RBFOX1: variants seen among roughly 807,000 people sequenced by gnomAD.
RBFOX1 encodes the protein RNA binding fox-1 homolog 1, also known as RNA binding protein fox-1 homolog 1.
Under a neutral mutation model 57.7 loss-of-function variants are expected in RBFOX1, and 8 were observed. The observed-to-expected ratio is 0.14, with a 90% confidence interval of 0.08 to 0.25. The LOEUF is 0.25. Ranked by LOEUF, RBFOX1 falls within the 10% of genes least tolerant of loss-of-function variation. The pLI is 1.00. For missense variants in RBFOX1, 611 were observed against 548.5 expected, an observed-to-expected ratio of 1.11 and a Z score of -1.14; for synonymous variants, 326 against 222.4, an observed-to-expected ratio of 1.47 and a Z score of -4.15.
intron 1 of RBFOX1, among the ~76,000 whole-genome samples, chr16:6,163,774 A>C (rs916433790): frequency 1.3e-5 from 2 of 152,238 alleles, no homozygotes; most frequent in African/African-American, 2.4e-5. Flanking sequence ...CAGTATTTAT[A>C]AGGTGATGTG....
chr16:6,841,153 A>AATATCCATTTGC (rs1224652433), intron 3 of RBFOX1, among the ~76,000 whole-genome samples: 1 of 151,900 alleles, frequency 6.6e-6, no homozygotes, highest in Non-Finnish European at 1.5e-5. Context: ...ATATTAGCCT[A>AATATCCATTTGC]TGGCATTTTG....
At chr16:7,398,964 G>A (rs577080972) in intron 4 of RBFOX1, among the ~76,000 whole-genome samples, 1 of 152,170 alleles carries the variant, frequency 6.6e-6, no homozygotes, top group Non-Finnish European at 1.5e-5. Flanking sequence ...CAATTGGGAG[G>A]CAAAAAGTTT....
At chr16:6,153,483 C>G (rs2096814981) in intron 1 of RBFOX1, among the ~76,000 whole-genome samples, 1 of 151,886 alleles carries the variant, frequency 6.6e-6, no homozygotes, top group Non-Finnish European at 1.5e-5. Context: ...AGGCTATTTT[C>G]AAGTTAACAC....
rs1029269232 is a variant in RBFOX1, at chr16:6,889,040, C to G, written c.-15-163017C>G. ...AAGTCTTCAGGGAATTGCATGTGTT[C>G]TCAAATTTGATTGTATTTTTTCCCT... On this transcript the variant is annotated intron_variant, in intron 3 of 15. Coordinates refer to ENST00000550418, the MANE Select transcript of RBFOX1 (RefSeq NM_018723.4). Among the ~76,000 whole-genome samples the G allele has an allele frequency of 2.6e-5, 4 of 152,136 alleles. No individual in the cohort carries two copies. In the East Asian group the frequency reaches 5.8e-4, roughly 22 times the overall value.
chr16:5,537,079 A>G (rs1164225203), intron 2 of RBFOX1, among the ~76,000 whole-genome samples: 1 of 152,132 alleles, frequency 6.6e-6, no homozygotes, highest in African/African-American at 2.4e-5. Context: ...CTTAGTGTCC[A>G]TGTTTCTTGT....
chr16:5,609,997 G>A (rs1176447116), intron 3 of RBFOX1, among the ~76,000 whole-genome samples: 1 of 152,118 alleles, frequency 6.6e-6, no homozygotes, highest in Non-Finnish European at 1.5e-5. Flanking sequence ...AAATGTCTAA[G>A]CCCTGCTTAG....
At chr16:6,587,552 G>GA (rs2097647512) in intron 2 of RBFOX1, among the ~76,000 whole-genome samples, 1 of 152,128 alleles carries the variant, frequency 6.6e-6, no homozygotes, top group African/African-American at 2.4e-5. Context: ...AAATTGCTGG[G>GA]ATTACAGACA....
At chr16:5,405,933 C>A (rs2066853322) in intron 1 of RBFOX1, among the ~76,000 whole-genome samples, 1 of 152,142 alleles carries the variant, frequency 6.6e-6, no homozygotes, top group African/African-American at 2.4e-5. Flanking sequence ...AGGGAGAACG[C>A]TCTGGGGAAG....
At chr16:5,526,707 C>G (rs979705515) in intron 2 of RBFOX1, among the ~76,000 whole-genome samples, 1 of 152,124 alleles carries the variant, frequency 6.6e-6, no homozygotes, top group Non-Finnish European at 1.5e-5. Context: ...AACATCTAAC[C>G]CCCCTGCTGT....
chr16:6,450,830 T>C (rs1347920098), intron 2 of RBFOX1, among the ~76,000 whole-genome samples: 6 of 42,866 alleles, frequency 1.4e-4, no homozygotes, highest in African/African-American at 8.0e-4. Context: ...TATATATATA[T>C]ATATATGTGT....
chr16:5,303,429 G>T (rs2063853624), intron 1 of RBFOX1, among the ~76,000 whole-genome samples: 1 of 152,134 alleles, frequency 6.6e-6, no homozygotes, highest in Admixed American at 6.5e-5. Context: ...TCTCTCTCTA[G>T]GGGCTACCAG....
chr16:6,968,349 C>A (rs563077137), intron 3 of RBFOX1, among the ~76,000 whole-genome samples: 6 of 152,174 alleles, frequency 3.9e-5, no homozygotes, highest in Non-Finnish European at 7.3e-5. Context: ...ATTTCTTTTC[C>A]TTCTTTTTTC....
intron 4 of RBFOX1, among the ~76,000 whole-genome samples, chr16:7,076,150 C>T (rs752467518): frequency 4.0e-5 from 6 of 151,492 alleles, no homozygotes; most frequent in Admixed American, 2.0e-4. Flanking sequence ...CAAGTGATTC[C>T]CCTGCCTCAG....
rs185438170 is a variant in RBFOX1, at chr16:6,279,593, G to A, written c.-126-37402G>A. Among the ~76,000 whole-genome samples, 4 of 152,242 alleles carry A rather than the reference G, an allele frequency of 2.6e-5. No individual in the cohort carries two copies. In the East Asian group the frequency reaches 7.7e-4, roughly 29 times the overall value. On this transcript the variant is annotated intron_variant, in intron 1 of 15. Transcript: ENST00000550418. ...TGAATACAGATCTGATTATCTATTG[G>A]CCTTGGAGAAGGAACACTGAGACTG...
chr16:6,835,047 C>A (rs568934276), intron 3 of RBFOX1, among the ~76,000 whole-genome samples: 7 of 152,100 alleles, frequency 4.6e-5, no homozygotes, highest in African/African-American at 1.7e-4. Flanking sequence ...CGCCCAACAC[C>A]ATGCCCCGGC....
At chr16:6,326,597 T>C (rs896120121) in intron 2 of RBFOX1, among the ~76,000 whole-genome samples, 8 of 152,180 alleles carry the variant, frequency 5.3e-5, no homozygotes, top group Non-Finnish European at 1.2e-4. Context: ...GCAATGACCA[T>C]TTACGCTTCA....
At chr16:5,680,144 G>A (rs887514447) in intron 3 of RBFOX1, among the ~76,000 whole-genome samples, 1 of 152,180 alleles carries the variant, frequency 6.6e-6, no homozygotes, top group African/African-American at 2.4e-5. Flanking sequence ...AGGAAGATAT[G>A]TGTGGGGGGT....
intron 4 of RBFOX1, among the ~76,000 whole-genome samples, chr16:7,174,994 G>A (rs538046279): frequency 7.9e-5 from 12 of 152,098 alleles, no homozygotes; most frequent in African/African-American, 2.9e-4. Context: ...TTTTCCTGAT[G>A]TCTAATGATG....
intron 1 of RBFOX1, among the ~76,000 whole-genome samples, chr16:5,424,804 C>T (rs181043712): frequency 1.3e-5 from 2 of 151,404 alleles, no homozygotes. Flanking sequence ...CTCATGGTGT[C>T]TGTTTTCTCT....
Sources: gnomAD v4.1 joint callset for allele counts (sites outside exome capture counted in the v4.1 genomes callset) on GRCh38, gnomAD v4.1.1 for gene constraint, MANE v1.5 for transcripts, NCBI Gene and HGNC (gene_info 2026-07-23, HGNC 2026-07-21) for gene names.